MYH15: variants seen among roughly 807,000 people sequenced by gnomAD.
The protein encoded by MYH15 is myosin-15.
MYH15 carries 227 observed loss-of-function variants against 240.5 expected under a neutral mutation model. That is an observed-to-expected ratio of 0.94 (90% confidence interval 0.85 to 1.05). The LOEUF (loss-of-function observed/expected upper bound fraction) is 1.05, where lower values mean the gene tolerates loss of function less well. MYH15 is among the 50% of genes least tolerant of loss of function. The probability of loss-of-function intolerance (pLI) is 0.00; values close to 1 mark genes in which losing one functional copy is unlikely to be tolerated. For synonymous variants in MYH15, 785 were observed against 796.7 expected, an observed-to-expected ratio of 0.99 and a Z score of 0.25; for missense variants, 2,217 against 2,247.5, an observed-to-expected ratio of 0.99 and a Z score of 0.27.
the MYH15 span, among the ~76,000 whole-genome samples, chr3:108,538,584 G>C: frequency 1.3e-5 from 2 of 152,120 alleles, no homozygotes; most frequent in East Asian, 3.9e-4. Context: ...AAATTTTATT[G>C]CAGGTCCTAG....
At chr3:108,507,813 C>T (rs1032158223) in intron 1 of MYH15, among the ~76,000 whole-genome samples, 1 of 152,004 alleles carries the variant, frequency 6.6e-6, no homozygotes, top group African/African-American at 2.4e-5. Flanking sequence ...TATTTTGGTC[C>T]CTTTTTGCAA....
intron 27 of MYH15, among the ~76,000 whole-genome samples, chr3:108,424,702 AT>A (rs2082712637): frequency 6.6e-6 from 1 of 152,258 alleles, no homozygotes; most frequent in Non-Finnish European, 1.5e-5. Flanking sequence ...ACCACTCAGC[AT>A]TGGCATTCTT....
In MYH15 at chr3:108,505,716, T is replaced by A; in HGVS notation, c.195+7A>T. On this transcript the variant is annotated splice_region_variant and intron_variant, in intron 2 of 40. Transcript: ENST00000693548. The stretch of plus-strand genomic sequence containing the variant: ...TCATCACTGCAATGAAATAAAAATT[T>A]CTTTACCTCTCCATCTGCTGTCTCA... The A allele has an allele frequency of 1.9e-6, 3 of 1,576,828 alleles. No homozygotes were observed. In the South Asian group the frequency reaches 3.4e-5, roughly 18 times the overall value.
intron 38 of MYH15, among the ~76,000 whole-genome samples, chr3:108,386,017 GA>G (rs2082381729): frequency 6.6e-6 from 1 of 152,158 alleles, no homozygotes. Flanking sequence ...CCTAGTTGGG[GA>G]ACTGAGACAA....
At chr3:108,381,840 G>A (rs891824360) in intron 40 of MYH15, among the ~76,000 whole-genome samples, 8 of 152,180 alleles carry the variant, frequency 5.3e-5, no homozygotes, top group African/African-American at 1.9e-4. Context: ...TAAGGAGAAA[G>A]ATTCTGCAGC....
chr3:108,393,107 C>T (rs2082432936), intron 36 of MYH15, among the ~76,000 whole-genome samples: 1 of 152,196 alleles, frequency 6.6e-6, no homozygotes, highest in Non-Finnish European at 1.5e-5. Flanking sequence ...AAGCTCTTCA[C>T]CTCCTTTGAA....
chr3:108,487,252 T>C (rs1329137421), intron 9 of MYH15, among the ~76,000 whole-genome samples: 1 of 152,234 alleles, frequency 6.6e-6, no homozygotes, highest in African/African-American at 2.4e-5. Flanking sequence ...TTTTTTGAGC[T>C]GATCTTATTT....
At chr3:108,405,025 TATAG>T (rs2082535868) in intron 33 of MYH15, 6 of 164,684 alleles carry the variant, frequency 3.6e-5, no homozygotes, top group Non-Finnish European at 5.2e-5. Flanking sequence ...AATAATCGTA[TATAG>T]ATAGCTAGTA....
intron 32 of MYH15, among the ~76,000 whole-genome samples, chr3:108,406,199 C>G (rs1414883521): frequency 7.0e-6 from 1 of 142,506 alleles, no homozygotes; most frequent in Non-Finnish European, 1.6e-5. Context: ...AAGAAGAAAT[C>G]CAAAAAACAC....
intron 1 of MYH15, among the ~76,000 whole-genome samples, chr3:108,515,722 A>G (rs1274216309): frequency 6.6e-6 from 1 of 152,208 alleles, no homozygotes; most frequent in Non-Finnish European, 1.5e-5. Context: ...TCTTTTTACT[A>G]TTCAACAAGC....
At chr3:108,529,416 A>G, upstream of MYH15, 1 of 624,740 alleles carries the variant, frequency 1.6e-6, no homozygotes, top group African/African-American at 1.9e-5. Context: ...GTGGAAACAT[A>G]CAAGATATAT....
chr3:108,433,666 TA>T (rs1394677375), intron 25 of MYH15, among the ~76,000 whole-genome samples: 1 of 152,040 alleles, frequency 6.6e-6, no homozygotes, highest in Non-Finnish European at 1.5e-5. Flanking sequence ...GATGGTTTTA[TA>T]AGGAGGAGTC....
At chr3:108,487,995 T>C (rs1454305929) in intron 9 of MYH15, among the ~76,000 whole-genome samples, 3 of 152,210 alleles carry the variant, frequency 2.0e-5, no homozygotes, top group Non-Finnish European at 4.4e-5. Context: ...GTGTACAACA[T>C]GATGTTTTGA....
chr3:108,455,110 C>T (rs1374290790), intron 20 of MYH15, among the ~76,000 whole-genome samples: 2 of 152,102 alleles, frequency 1.3e-5, no homozygotes, highest in African/African-American at 4.8e-5. Flanking sequence ...TTTAACTCTC[C>T]TTCAAATAAT....
chr3:108,383,731 TATAAAA>T lies in MYH15; in HGVS notation c.5632-8_5632-3del, dbSNP rs747835756. Reference sequence around the variant, plus strand: ...AAGGTATTGATTGGCTTGTGTTTCCTATAAAAATAAAAAAAAAAAAAAAGAAATCTC... The same window carrying T: ...AAGGTATTGATTGGCTTGTGTTTCCTATAAAAAAAAAAAAAAAGAAATCTC... On this transcript the variant is annotated splice_region_variant and splice_polypyrimidine_tract_variant and intron_variant, in intron 39 of 40. Transcript: ENST00000693548. The T allele has an allele frequency of 7.5e-7, 1 of 1,328,972 alleles. No individual in the cohort carries two copies. The highest frequency in any genetic ancestry group is 1.5e-5 in the South Asian group (1 of 65,474). 82.3% of individuals were successfully genotyped at this position (1,328,972 alleles called of 1,614,324 possible). A position where few individuals can be genotyped will look rare whatever the true frequency, so the allele number is the denominator to read the frequency against.
chr3:108,531,807 C>CATAA (rs2083712678), upstream of MYH15, among the ~76,000 whole-genome samples: 1 of 128,576 alleles, frequency 7.8e-6, no homozygotes, highest in South Asian at 2.7e-4. Flanking sequence ...TAAATAAATA[C>CATAA]ATAAATAAAA....
chr3:108,479,607 G>C (rs542005891), intron 11 of MYH15, among the ~76,000 whole-genome samples: 2 of 152,310 alleles, frequency 1.3e-5, no homozygotes, highest in East Asian at 3.9e-4. Context: ...GGTAAGGCCT[G>C]AGCTTCAGGA....
Position 108,430,831 on chromosome 3 carries a change from C to T in MYH15, c.3312+1G>A, listed in dbSNP as rs201696928. 12 of 1,607,960 alleles carry T rather than the reference C, an allele frequency of 7.5e-6. No homozygotes were observed. In the South Asian group the frequency reaches 1.3e-4, roughly 18 times the overall value. ...CACAGGCATATTTGATAATTGATTA[C>T]CTGAAGCTCTTTAACCGTCTTCTGA... On this transcript the variant is annotated splice_donor_variant, in intron 26 of 40. Transcript: ENST00000693548. LOFTEE classifies it high-confidence loss of function.
At chr3:108,489,836 A>C (rs2083333545) in intron 9 of MYH15, among the ~76,000 whole-genome samples, 1 of 152,162 alleles carries the variant, frequency 6.6e-6, no homozygotes, top group South Asian at 2.1e-4. Context: ...TGTCCCCCAA[A>C]AGGACAATGG....
Sources: gnomAD v4.1 joint callset for allele counts (sites outside exome capture counted in the v4.1 genomes callset) on GRCh38, gnomAD v4.1.1 for gene constraint, MANE v1.5 for transcripts, NCBI Gene and HGNC (gene_info 2026-07-23, HGNC 2026-07-21) for gene names.